The following TEX11 variants were observed in gnomAD, a reference collection of about 807,000 sequenced individuals.
The protein encoded by TEX11 is testis expressed 11.
A neutral mutation model predicts 84.4 loss-of-function variants in TEX11; 7 were observed. The observed-to-expected ratio is 0.08, with a 90% CI of 0.05 to 0.16. The LOEUF (loss-of-function observed/expected upper bound fraction) is 0.16, where lower values mean the gene tolerates loss of function less well. Among genes scored for constraint, TEX11 ranks in the 10% least tolerant of loss-of-function variants. TEX11 has a pLI of 1.00. For missense variants in TEX11, 551 were observed against 660.5 expected (o/e 0.83, Z 1.82); for synonymous variants, 264 against 222.8 (o/e 1.18, Z -1.64).
chrX:70,771,422 C>G lies in TEX11; in HGVS notation c.693-27203G>C, dbSNP rs748125896. ...AATTCAAATGTCTTCTGTTATTTTA[C>G]CAATTTATCTCATTGTCTCTAATAT... On this transcript the variant is annotated intron_variant, in intron 9 of 29. Transcript: ENST00000374333. Among the ~76,000 whole-genome samples the G allele has an allele frequency of 3.6e-5, 4 of 112,030 alleles. No individual in the cohort carries two copies. The East Asian group carries it at 1.1e-3, about 31-fold the overall frequency.
chrX:70,602,174 C>T (rs1373283061), intron 24 of TEX11, among the ~76,000 whole-genome samples: 1 of 111,987 alleles, frequency 8.9e-6, no homozygotes, highest in Non-Finnish European at 1.9e-5. Context: ...GGCTGACCCC[C>T]CCACCTCCCT....
chrX:70,588,650 T>C (rs2088885478), intron 25 of TEX11, among the ~76,000 whole-genome samples: 1 of 112,197 alleles, frequency 8.9e-6, no homozygotes, highest in Non-Finnish European at 1.9e-5. Context: ...TATGATGGAA[T>C]AGAATTCAGC....
intron 8 of TEX11, among the ~76,000 whole-genome samples, chrX:70,824,409 T>C (rs2091334089): frequency 8.9e-6 from 1 of 111,963 alleles, no homozygotes. Flanking sequence ...GCTCAGGCCC[T>C]AGGCAATCCC....
chrX:70,739,176 A>G (rs1241992617), intron 11 of TEX11, among the ~76,000 whole-genome samples: 1 of 111,454 alleles, frequency 9.0e-6, no homozygotes, highest in Non-Finnish European at 1.9e-5. Context: ...TTTAATTTTA[A>G]TGTTGAACAA....
At chrX:70,860,507 C>T (rs1255326650) in intron 5 of TEX11, among the ~76,000 whole-genome samples, 2 of 111,432 alleles carry the variant, frequency 1.8e-5, no homozygotes, top group Non-Finnish European at 3.8e-5. Context: ...TTACTTAGTG[C>T]TTCAAATTTT....
chrX:70,702,026 C>T (rs760029281), intron 13 of TEX11, among the ~76,000 whole-genome samples: 7 of 111,797 alleles, frequency 6.3e-5, no homozygotes, highest in African/African-American at 1.9e-4. Context: ...GGTGAAGATG[C>T]CGTGTACATT....
At chrX:70,861,718 C>T (rs1237556149) in intron 4 of TEX11, among the ~76,000 whole-genome samples, 5 of 110,420 alleles carry the variant, frequency 4.5e-5, no homozygotes, top group African/African-American at 1.3e-4. Context: ...CCACCAGCCT[C>T]GGCTTCCCAA....
chrX:70,635,706 C>A (rs187250246), intron 17 of TEX11, among the ~76,000 whole-genome samples: 35 of 111,412 alleles, frequency 3.1e-4, no homozygotes, highest in African/African-American at 1.1e-3. Context: ...AGGTCAGCAC[C>A]CATGGACCCA....
At chrX:70,696,394 C>T (rs767073206) in intron 13 of TEX11, among the ~76,000 whole-genome samples, 1 of 111,723 alleles carries the variant, frequency 9.0e-6, no homozygotes, top group South Asian at 3.8e-4. Context: ...CTGCCTCCTA[C>T]CCCATCATTT....
chrX:70,733,900 A>T (rs1204892221), intron 11 of TEX11, among the ~76,000 whole-genome samples: 3 of 111,796 alleles, frequency 2.7e-5, no homozygotes, highest in African/African-American at 9.8e-5. Context: ...ACTTGGAACC[A>T]ACCCAAATGT....
intron 25 of TEX11, among the ~76,000 whole-genome samples, chrX:70,569,311 AT>A (rs1449303076): frequency 9.0e-6 from 1 of 110,807 alleles, no homozygotes; most frequent in Non-Finnish European, 1.9e-5. Context: ...ATTCGTCTAA[AT>A]TTTTTTCAAA....
chrX:70,853,183 C>A (rs1463348289), intron 6 of TEX11, 30 bp from the exon 7 acceptor site: 1 of 1,209,943 alleles, frequency 8.3e-7, no homozygotes, highest in Non-Finnish European at 1.1e-6. Flanking sequence ...TACAATGTAA[C>A]AATGAGAATA....
At chrX:70,579,163 C>A (rs2088726884) in intron 25 of TEX11, among the ~76,000 whole-genome samples, 1 of 110,541 alleles carries the variant, frequency 9.0e-6, no homozygotes, top group Admixed American at 9.7e-5. Flanking sequence ...ATATCTTTGG[C>A]AAATGAGATT....
At chrX:70,729,294 A>G (rs2090624847) in intron 11 of TEX11, among the ~76,000 whole-genome samples, 1 of 112,688 alleles carries the variant, frequency 8.9e-6, no homozygotes, top group Admixed American at 9.4e-5. Flanking sequence ...TACCAGCAAC[A>G]GAACAAAGCT....
At chrX:70,905,070 C>T (rs1310174026) in intron 2 of TEX11, among the ~76,000 whole-genome samples, 1 of 112,155 alleles carries the variant, frequency 8.9e-6, no homozygotes, top group Non-Finnish European at 1.9e-5. Context: ...CACCTGTAAT[C>T]CTAGCACTTT....
intron 9 of TEX11, among the ~76,000 whole-genome samples, chrX:70,774,769 T>G (rs1319419583): frequency 1.8e-5 from 2 of 111,495 alleles, no homozygotes; most frequent in East Asian, 5.6e-4. Context: ...ATTATTAAAG[T>G]GACCAAACTG....
chrX:70,799,344 G>A (rs2091173896), intron 9 of TEX11, among the ~76,000 whole-genome samples: 1 of 111,803 alleles, frequency 8.9e-6, no homozygotes, highest in African/African-American at 3.2e-5. Context: ...TAAGGTGGAT[G>A]CCTAATGTTT....
chrX:70,625,845 T>G (rs1307460837), intron 18 of TEX11, among the ~76,000 whole-genome samples: 1 of 106,954 alleles, frequency 9.3e-6, no homozygotes, highest in East Asian at 2.9e-4. Context: ...CTTCCTGGGT[T>G]CAAGCGATTC....
At chrX:70,633,182 A>G (rs2089530807) in intron 17 of TEX11, among the ~76,000 whole-genome samples, 1 of 112,344 alleles carries the variant, frequency 8.9e-6, no homozygotes, top group Non-Finnish European at 1.9e-5. Context: ...CCATTAGCAA[A>G]TCAAATTATA....
Sources: allele counts gnomAD v4.1 joint callset (sites outside exome capture counted in the v4.1 genomes callset), GRCh38; gene constraint gnomAD v4.1.1; transcripts MANE v1.5; gene names NCBI Gene and HGNC (gene_info 2026-07-23, HGNC 2026-07-21).